Variants in PRDM14 observed in about 807,000 individuals in gnomAD.
PRDM14 encodes the protein PR/SET domain 14.
Under a neutral mutation model 48.0 loss-of-function variants are expected in PRDM14, and 16 were observed. The observed-to-expected ratio is 0.33, with a 90% CI of 0.23 to 0.51. The LOEUF (loss-of-function observed/expected upper bound fraction) is 0.51, where lower values mean the gene tolerates loss of function less well. Among genes scored for constraint, PRDM14 ranks in the 20% least tolerant of loss-of-function variants. PRDM14 has a pLI of 0.97. For synonymous variants in PRDM14, 264 were observed against 276.6 expected (o/e 0.95, Z 0.45); for missense variants, 566 against 719.6 (o/e 0.79, Z 2.44).
intron 7 of PRDM14, among the ~76,000 whole-genome samples, chr8:70,052,977 T>C (rs75720179): frequency 4.7e-5 from 7 of 148,136 alleles, no homozygotes; most frequent in African/African-American, 1.7e-4. Context: ...CATGTACCTG[T>C]GGTCCCAGCT....
At chr8:70,059,840 T>C (rs948949495) in intron 5 of PRDM14, among the ~76,000 whole-genome samples, 3 of 152,124 alleles carry the variant, frequency 2.0e-5, no homozygotes, top group African/African-American at 7.2e-5. Flanking sequence ...ACGCCTATAA[T>C]CCCAGCACTT....
chr8:70,052,211 A>T lies in PRDM14; in HGVS notation c.1582T>A (p.Ser528Thr). Residue 528 changes from serine to threonine, a missense_variant, in exon 8 of 8, where the codon TCC becomes ACC. Physicochemically the swap from Ser to Thr is moderately conservative, Grantham distance 58. Around this residue, in one of 3 missense-constraint regions of PRDM14, gnomAD observed 126 missense variants for 271.6 expected, o/e 0.46. Transcript: ENST00000276594. ...ACATGGCTGTCATGGGCAGCATGGG[A>T]TGCAAAAGATTTACCACAGTACTTG... ...KCKYCGKSFASHAAHDSHVRR... is the reference protein window; with the variant it reads ...KCKYCGKSFATHAAHDSHVRR... The T allele has an allele frequency of 6.2e-7, 1 of 1,614,066 alleles. No individual in the cohort carries two copies. The highest frequency in any genetic ancestry group is 1.1e-5 in the South Asian group (1 of 91,066).
chr8:70,054,850 C>T (rs543401576), intron 7 of PRDM14, among the ~76,000 whole-genome samples: 3 of 150,412 alleles, frequency 2.0e-5, no homozygotes, highest in Admixed American at 1.3e-4. Flanking sequence ...GACAGTGTCT[C>T]ACTCTGTCAC....
intron 1 of PRDM14, among the ~76,000 whole-genome samples, chr8:70,070,383 A>G (rs1446239761): frequency 5.3e-5 from 8 of 152,246 alleles, no homozygotes; most frequent in African/African-American, 1.9e-4. Context: ...CGACAGCTCC[A>G]GGCGCTCCTG....
chr8:70,064,054 G>A (rs1805627407), intron 5 of PRDM14, among the ~76,000 whole-genome samples: 1 of 152,104 alleles, frequency 6.6e-6, no homozygotes, highest in Non-Finnish European at 1.5e-5. Flanking sequence ...AGATATCAGA[G>A]GCGATCAGAA....
intron 5 of PRDM14, among the ~76,000 whole-genome samples, chr8:70,059,422 C>T (rs1259393204): frequency 2.0e-4 from 30 of 151,934 alleles, no homozygotes; most frequent in Admixed American, 2.0e-3. Context: ...CAGGCACACA[C>T]CACCACGCCC....
chr8:70,060,361 T>C (rs1805556228), intron 5 of PRDM14, among the ~76,000 whole-genome samples: 1 of 150,422 alleles, frequency 6.6e-6, no homozygotes, highest in Non-Finnish European at 1.5e-5. Context: ...ATTGAGCCAC[T>C]GCACTCCAGC....
chr8:70,069,249 G>C lies in PRDM14; in HGVS notation c.612C>G (p.Phe204Leu), dbSNP rs369845893. Residue 204 changes from phenylalanine to leucine, a missense_variant, in exon 2 of 8, where the codon TTC (phenylalanine) becomes TTG (leucine). Coordinates refer to ENST00000276594, the MANE Select transcript of PRDM14 (RefSeq NM_024504.4). ...RFQFTEEDLH[F>L]VLYGVTPSLE... ...GGCTGGGAGTGACCCCGTACAGAAC[G>C]AAGTGCAGGTCCTCCTCCGTGAACT... The C allele has an allele frequency of 1.2e-6, 2 of 1,605,188 alleles. No homozygotes were observed. The highest frequency in any genetic ancestry group is 1.7e-6 in the Non-Finnish European group (2 of 1,175,560).
chr8:70,055,474 C>G (rs1462816508), intron 6 of PRDM14, 73 bp from the exon 7 acceptor site: 4 of 858,312 alleles, frequency 4.7e-6, no homozygotes, highest in Non-Finnish European at 7.8e-6. Flanking sequence ...TTGCGTTTAC[C>G]TGGGGTTAGA....
intron 7 of PRDM14, among the ~76,000 whole-genome samples, chr8:70,054,462 G>C (rs4412398): frequency 0.6 from 91,014 of 151,380 alleles, 27,455 homozygotes; most frequent in East Asian, 0.73. Flanking sequence ...AAGCACCAGA[G>C]GCAGGATTTG....
chr8:70,054,391 A>C (rs1372782331), intron 7 of PRDM14, among the ~76,000 whole-genome samples: 1 of 152,144 alleles, frequency 6.6e-6, no homozygotes, highest in South Asian at 2.1e-4. Flanking sequence ...TATTCTCCCC[A>C]GTTTATCAAT....
At chr8:70,052,649 G>C (rs1472970274) in intron 7 of PRDM14, among the ~76,000 whole-genome samples, 1 of 152,090 alleles carries the variant, frequency 6.6e-6, no homozygotes, top group East Asian at 1.9e-4. Context: ...TGGATCACCT[G>C]AGGTCAGGAG....
chr8:70,058,253 T>C (rs1805514346), intron 6 of PRDM14, among the ~76,000 whole-genome samples: 1 of 152,318 alleles, frequency 6.6e-6, no homozygotes, highest in East Asian at 1.9e-4. Flanking sequence ...CAGGAGCACA[T>C]GCCAGGCTCT....
At chr8:70,055,478 G>T in intron 6 of PRDM14, 77 bp from the exon 7 acceptor site, 1 of 802,026 alleles carries the variant, frequency 1.2e-6, no homozygotes, top group South Asian at 1.6e-5. Flanking sequence ...GTTTACCTGG[G>T]GTTAGAGAAG....
chr8:70,055,470 T>C (rs946540822), intron 6 of PRDM14, 69 bp from the exon 7 acceptor site: 1 of 872,128 alleles, frequency 1.1e-6, no homozygotes, highest in African/African-American at 1.7e-5. Flanking sequence ...AACCTTGCGT[T>C]TACCTGGGGT....
intron 1 of PRDM14, among the ~76,000 whole-genome samples, chr8:70,070,204 G>T (rs1293174697): frequency 2.0e-5 from 3 of 151,928 alleles, no homozygotes; most frequent in African/African-American, 7.3e-5. Flanking sequence ...CCCGCTCTCC[G>T]CTTTCGGCCC....
At chr8:70,055,485 GA>G in intron 6 of PRDM14, 84 bp from the exon 7 acceptor site, 1 of 736,202 alleles carries the variant, frequency 1.4e-6, no homozygotes, top group South Asian at 1.7e-5. Context: ...TGGGGTTAGA[GA>G]AGAACTCTTT....
At chr8:70,067,346 CCT>C (rs1182933681) in intron 4 of PRDM14, among the ~76,000 whole-genome samples, 1 of 151,820 alleles carries the variant, frequency 6.6e-6, no homozygotes, top group African/African-American at 2.4e-5. Flanking sequence ...TGGTGAAACC[CCT>C]CTCTACTAAA....
chr8:70,054,789 G>A (rs1805445428), intron 7 of PRDM14, among the ~76,000 whole-genome samples: 9 of 151,268 alleles, frequency 5.9e-5, no homozygotes, highest in Admixed American at 5.3e-4. Context: ...AAAGTGCTGG[G>A]ATTACGGGCT....
Sources: allele counts gnomAD v4.1 joint callset (sites outside exome capture counted in the v4.1 genomes callset), GRCh38; gene constraint gnomAD v4.1.1; regional missense constraint gnomAD v4.1.1; transcripts MANE v1.5; gene names NCBI Gene and HGNC (gene_info 2026-07-23, HGNC 2026-07-21).